Variants in SAMMSON observed in about 807,000 individuals in gnomAD.
SAMMSON encodes the protein survival associated mitochondrial melanoma specific oncogenic non-coding RNA, also known as long intergenic non-protein coding RNA 1212.
intron 9 of SAMMSON, among the ~76,000 whole-genome samples, chr3:70,376,733 A>G (rs1017689193): frequency 6.6e-6 from 1 of 152,196 alleles, no homozygotes; most frequent in African/African-American, 2.4e-5. Flanking sequence ...TGAAAGGTAT[A>G]GAAAATTATA....
At chr3:70,289,156 G>C (rs1226441794) in intron 6 of SAMMSON, among the ~76,000 whole-genome samples, 1 of 150,618 alleles carries the variant, frequency 6.6e-6, no homozygotes, top group Non-Finnish European at 1.5e-5. Flanking sequence ...TCCTAGTCTC[G>C]ATGGTCTTTA....
rs536611435 is a variant in SAMMSON at position 70,417,014 on chromosome 3, C to G, written n.234-45546C>G. Among the ~76,000 whole-genome samples, 5 of 152,168 alleles carry G rather than the reference C, an allele frequency of 3.3e-5. No individual in the cohort carries two copies. In the East Asian group the frequency reaches 9.7e-4, roughly 30 times the overall value. ...CCCCTCCAACTTCCATGACAGACAT[C>G]ACTAATCAGCTAAGACCGCTTTTCT... On this transcript the variant is annotated intron_variant and non_coding_transcript_variant, in intron 2 of 3. Coordinates refer to the SAMMSON transcript ENST00000641053.
intron 7 of SAMMSON, among the ~76,000 whole-genome samples, chr3:70,316,151 T>A (rs1702492864): frequency 6.6e-6 from 1 of 152,136 alleles, no homozygotes; most frequent in African/African-American, 2.4e-5. Context: ...CAGAAGATAA[T>A]CTTTGCTAAC....
chr3:70,257,968 A>C (rs1701832181), intron 6 of SAMMSON, among the ~76,000 whole-genome samples: 2 of 152,218 alleles, frequency 1.3e-5, no homozygotes, highest in South Asian at 4.1e-4. Context: ...TTCGGAAATA[A>C]AGCTATGTAA....
chr3:70,202,826 G>A (rs1236798719), intron 4 of SAMMSON, among the ~76,000 whole-genome samples: 1 of 152,086 alleles, frequency 6.6e-6, no homozygotes, highest in Non-Finnish European at 1.5e-5. Flanking sequence ...TGTACAACTG[G>A]GGACTGGCTA....
At position 70,031,163 on chromosome 3, in the gene SAMMSON, G is replaced by A. The variant is rs140090579; in HGVS notation, n.417+17491G>A. 7.2e-5 allele frequency among the ~76,000 whole-genome samples: 11 copies of A among 152,060 alleles called. No homozygotes were observed. In the East Asian group the frequency reaches 1.2e-3, roughly 16 times the overall value. On this transcript the variant is annotated intron_variant and non_coding_transcript_variant, in intron 3 of 9. Transcript: ENST00000642114. ...CCTGTGTCCATCAACAGAAGAATTC[G>A]TAAACAAAATGCAGTATATACATGC...
At chr3:70,374,451 G>A (rs572504168) in intron 9 of SAMMSON, among the ~76,000 whole-genome samples, 5 of 152,238 alleles carry the variant, frequency 3.3e-5, no homozygotes, top group East Asian at 1.9e-4. Flanking sequence ...AGGATGGCTC[G>A]TTATTGCTAG....
intron 4 of SAMMSON, among the ~76,000 whole-genome samples, chr3:70,233,083 G>A (rs1701576216): frequency 6.6e-6 from 1 of 152,162 alleles, no homozygotes; most frequent in African/African-American, 2.4e-5. Context: ...CAGCTAATTG[G>A]GAGGCTGAGG....
At chr3:70,228,156 C>T (rs540770851) in intron 4 of SAMMSON, among the ~76,000 whole-genome samples, 9 of 151,978 alleles carry the variant, frequency 5.9e-5, no homozygotes, top group African/African-American at 2.2e-4. Flanking sequence ...GTTGTCTTTA[C>T]TGTCCTTAAT....
intron 3 of SAMMSON, among the ~76,000 whole-genome samples, chr3:70,043,960 C>CT (rs909394097): frequency 6.6e-6 from 1 of 151,890 alleles, no homozygotes; most frequent in Non-Finnish European, 1.5e-5. Context: ...TCCAATTACT[C>CT]TTTTTTAGGT....
chr3:70,260,717 A>T (rs754554906), intron 6 of SAMMSON, among the ~76,000 whole-genome samples: 7 of 151,822 alleles, frequency 4.6e-5, no homozygotes, highest in Non-Finnish European at 7.4e-5. Context: ...CCTATAACTT[A>T]TCCCTCCCCT....
chr3:70,126,382 T>C, intron 4 of SAMMSON: 2 of 922,272 alleles, frequency 2.2e-6, no homozygotes, highest in Non-Finnish European at 3.4e-6. Flanking sequence ...AATGCCTTTA[T>C]AGCTGCTTTT....
At chr3:70,279,507 TCTC>T (rs755077974) in intron 6 of SAMMSON, among the ~76,000 whole-genome samples, 2 of 152,140 alleles carry the variant, frequency 1.3e-5, no homozygotes, top group Non-Finnish European at 2.9e-5. Flanking sequence ...CTTTCTCAGT[TCTC>T]CTCCACTACT....
intron 4 of SAMMSON, among the ~76,000 whole-genome samples, chr3:70,078,090 G>T (rs980219891): frequency 6.6e-6 from 1 of 152,156 alleles, no homozygotes; most frequent in African/African-American, 2.4e-5. Flanking sequence ...TCACATGTGT[G>T]TGGGGGGAAG....
chr3:70,119,605 C>T (rs1484066588), intron 4 of SAMMSON, among the ~76,000 whole-genome samples: 1 of 152,030 alleles, frequency 6.6e-6, no homozygotes, highest in Non-Finnish European at 1.5e-5. Flanking sequence ...CTGGACAGAC[C>T]ATTTAAGCAA....
intron 4 of SAMMSON, among the ~76,000 whole-genome samples, chr3:70,202,144 G>A (rs1302293430): frequency 6.6e-6 from 1 of 152,116 alleles, no homozygotes; most frequent in Non-Finnish European, 1.5e-5. Context: ...ATAGTGATTG[G>A]TGACTGACTA....
intron 4 of SAMMSON, among the ~76,000 whole-genome samples, chr3:70,149,727 G>C (rs1280795371): frequency 6.6e-6 from 1 of 152,032 alleles, no homozygotes; most frequent in Non-Finnish European, 1.5e-5. Context: ...GTTGTCCCAA[G>C]CTGTCTTATC....
At chr3:70,392,411 G>C (rs1701057096), downstream of SAMMSON, among the ~76,000 whole-genome samples, 2 of 152,142 alleles carry the variant, frequency 1.3e-5, no homozygotes, top group Non-Finnish European at 2.9e-5. Context: ...CAAAGCCCCT[G>C]CAAGTAAACA....
chr3:70,350,407 C>T (rs748313833), intron 7 of SAMMSON, among the ~76,000 whole-genome samples: 4 of 151,774 alleles, frequency 2.6e-5, no homozygotes, highest in Non-Finnish European at 4.4e-5. Context: ...ACAGAAATTC[C>T]CCCTTTTTAA....
Sources: gnomAD v4.1 joint callset for allele counts (sites outside exome capture counted in the v4.1 genomes callset) on GRCh38, gnomAD v4.1.1 for gene constraint, MANE v1.5 for transcripts, NCBI Gene and HGNC (gene_info 2026-07-23, HGNC 2026-07-21) for gene names.